Variants in GRIP1 observed in about 807,000 individuals in gnomAD.
GRIP1 encodes glutamate receptor-interacting protein 1.
In GRIP1, 45 loss-of-function variants were observed where a neutral mutation model predicts 129.9. That is an observed-to-expected ratio of 0.35 (90% confidence interval 0.27 to 0.44). GRIP1 has a LOEUF of 0.44. Among genes scored for constraint, GRIP1 ranks in the 20% least tolerant of loss-of-function variants. GRIP1 has a pLI of 1.00. For missense variants in GRIP1, 1,196 were observed against 1,396.8 expected (o/e 0.86, Z 2.29); for synonymous variants, 530 against 520.8 (o/e 1.02, Z -0.24).
intron 1 of GRIP1, among the ~76,000 whole-genome samples, chr12:66,618,426 A>T (rs1592655880): frequency 6.6e-6 from 1 of 152,078 alleles, no homozygotes. Flanking sequence ...CTGGTGGGGG[A>T]TATGGAGGAG....
chr12:66,603,269 T>A (rs1227569714), intron 1 of GRIP1, among the ~76,000 whole-genome samples: 2 of 152,072 alleles, frequency 1.3e-5, no homozygotes, highest in African/African-American at 4.8e-5. Flanking sequence ...TGTCTTCTAA[T>A]TAACCATAAT....
At chr12:66,590,369 C>T (rs2063808751) in intron 2 of GRIP1, among the ~76,000 whole-genome samples, 1 of 152,152 alleles carries the variant, frequency 6.6e-6, no homozygotes, top group Non-Finnish European at 1.5e-5. Flanking sequence ...ACTGTCATTC[C>T]TCCAAATCAC....
intron 17 of GRIP1, among the ~76,000 whole-genome samples, 200 bp downstream of exon 17, chr12:66,394,008 G>C (rs1444978565): frequency 6.6e-6 from 1 of 152,100 alleles, no homozygotes; most frequent in East Asian, 1.9e-4. Context: ...AGCCCAAGAC[G>C]TCTTTTACTG....
chr12:66,524,352 C>A lies in GRIP1; in HGVS notation c.502+5479G>T, dbSNP rs551108794. Reference sequence around the variant, plus strand: ...TCCCTCAGACTACAGTGCAATCAAACTAGAACTCAGGATTAAGAAACTCAC... The same window carrying A: ...TCCCTCAGACTACAGTGCAATCAAAATAGAACTCAGGATTAAGAAACTCAC... On this transcript the variant is annotated intron_variant, in intron 5 of 24. Coordinates refer to ENST00000359742, the MANE Select transcript of GRIP1 (RefSeq NM_001366722.1). 1.8e-3 allele frequency among the ~76,000 whole-genome samples: 273 copies of A among 152,290 alleles called. 1 individual carries two copies. Among genetic ancestry groups the A allele is most frequent in the African/African-American group, 6.4e-3 (264 of 41,552 alleles).
At chr12:66,870,232 A>G (rs1003252975) in intron 1 of GRIP1, among the ~76,000 whole-genome samples, 2 of 152,144 alleles carry the variant, frequency 1.3e-5, no homozygotes, top group Non-Finnish European at 2.9e-5. Flanking sequence ...GCAAATATGC[A>G]TATACTTGCC....
intron 1 of GRIP1, among the ~76,000 whole-genome samples, chr12:66,729,613 G>T (rs1377180770): frequency 6.6e-6 from 1 of 152,032 alleles, no homozygotes; most frequent in Non-Finnish European, 1.5e-5. Context: ...TTGCTCTGTT[G>T]CCCAGGCTGG....
intron 1 of GRIP1, among the ~76,000 whole-genome samples, chr12:66,698,497 A>G (rs1340594688): frequency 6.6e-6 from 1 of 152,182 alleles, no homozygotes; most frequent in Non-Finnish European, 1.5e-5. Flanking sequence ...GAACTTCACA[A>G]ATGCTTCCCA....
intron 1 of GRIP1, among the ~76,000 whole-genome samples, chr12:66,891,344 A>G (rs1419718413): frequency 1.3e-5 from 2 of 152,180 alleles, no homozygotes; most frequent in African/African-American, 4.8e-5. Flanking sequence ...TTTGCGTATC[A>G]AGAACCTAGC....
At chr12:66,815,634 C>T (rs36051839) in intron 1 of GRIP1, among the ~76,000 whole-genome samples, 29,095 of 151,974 alleles carry the variant, frequency 0.19, 3,652 homozygotes, top group Non-Finnish European at 0.27. Flanking sequence ...CTTTGTGGCA[C>T]ACGCCTGTGG....
intron 1 of GRIP1, among the ~76,000 whole-genome samples, chr12:66,865,347 A>G (rs2040184926): frequency 6.6e-6 from 1 of 152,188 alleles, no homozygotes; most frequent in Non-Finnish European, 1.5e-5. Context: ...TTCCTAATCA[A>G]AGAATCTTAT....
chr12:66,469,018 C>T (rs1176860026), intron 7 of GRIP1, among the ~76,000 whole-genome samples: 2 of 152,020 alleles, frequency 1.3e-5, no homozygotes, highest in South Asian at 2.1e-4. Context: ...ATTAATGAAT[C>T]TTTTTTAAAA....
In GRIP1 at chr12:66,578,621, A is replaced by G. The variant is rs529100345; in HGVS notation, c.136+18226T>C. Among the ~76,000 whole-genome samples the G allele has an allele frequency of 6.4e-3, 971 of 152,332 alleles. 9 individuals are homozygous for G. Among genetic ancestry groups the G allele is most frequent in the African/African-American group, 0.022 (923 of 41,592 alleles). ...GGAGATTATATCCCGCACCTGGCTC[A>G]GAGGGTCCTATGCCCACGGAGTCTC... On this transcript the variant is annotated intron_variant, in intron 2 of 24. Coordinates refer to ENST00000359742, the MANE Select transcript of GRIP1 (RefSeq NM_001366722.1).
chr12:66,392,127 A>C (rs540784564), intron 19 of GRIP1, among the ~76,000 whole-genome samples, 181 bp downstream of exon 19: 3 of 152,346 alleles, frequency 2.0e-5, no homozygotes, highest in African/African-American at 7.2e-5. Flanking sequence ...CCTTATAAGC[A>C]CTAGAAGAAA....
chr12:66,712,980 G>A (rs1047374079), intron 1 of GRIP1, among the ~76,000 whole-genome samples: 2 of 151,938 alleles, frequency 1.3e-5, no homozygotes, highest in Admixed American at 1.3e-4. Flanking sequence ...AACAAATGGT[G>A]TCTAAAGCAT....
chr12:66,741,507 C>T (rs1164134023), intron 1 of GRIP1, among the ~76,000 whole-genome samples: 1 of 152,124 alleles, frequency 6.6e-6, no homozygotes, highest in Non-Finnish European at 1.5e-5. Context: ...TGGGGCTAGG[C>T]CAGCACTATC....
chr12:66,353,349 G>A, intron 24 of GRIP1, 68 bp downstream of exon 24: 1 of 1,077,852 alleles, frequency 9.3e-7, no homozygotes, highest in South Asian at 1.2e-5. Context: ...AAATATGCAG[G>A]AGGATGTGGA....
At chr12:66,371,670 G>A (rs536943937) in intron 23 of GRIP1, 24 bp downstream of exon 23, 1 of 1,514,490 alleles carries the variant, frequency 6.6e-7, no homozygotes, top group East Asian at 2.3e-5. Context: ...TTGACCCTAG[G>A]GAAAGAAGAG....
chr12:66,361,988 G>A (rs2054797138), intron 23 of GRIP1, among the ~76,000 whole-genome samples: 1 of 151,962 alleles, frequency 6.6e-6, no homozygotes, highest in Non-Finnish European at 1.5e-5. Flanking sequence ...AACTCCCACT[G>A]CACTCAGGGC....
intron 1 of GRIP1, among the ~76,000 whole-genome samples, chr12:66,611,071 G>A (rs1277447787): frequency 6.6e-6 from 1 of 152,084 alleles, no homozygotes; most frequent in African/African-American, 2.4e-5. Context: ...AACACATAAT[G>A]GCTATTATGA....
Sources: allele counts gnomAD v4.1 joint callset (sites outside exome capture counted in the v4.1 genomes callset), GRCh38; gene constraint gnomAD v4.1.1; transcripts MANE v1.5; gene names NCBI Gene and HGNC (gene_info 2026-07-23, HGNC 2026-07-21).